The following PCDH9 variants were observed in gnomAD, a reference collection of about 807,000 sequenced individuals.
The protein encoded by PCDH9 is protocadherin 9, also known as protocadherin-9.
PCDH9 carries 24 observed loss-of-function variants against 70.6 expected under a neutral mutation model. The ratio of observed to expected loss-of-function variants is 0.34; its 90% CI spans 0.25 to 0.48. PCDH9 has a LOEUF of 0.48. Among genes scored for constraint, PCDH9 ranks in the 20% least tolerant of loss-of-function variants. The pLI, the probability that PCDH9 is intolerant of heterozygous loss-of-function variation, is 0.99. For synonymous variants in PCDH9, 562 were observed against 558.5 expected, an observed-to-expected ratio of 1.01 and a Z score of -0.09; for missense variants, 1,281 against 1,503.6, an observed-to-expected ratio of 0.85 and a Z score of 2.45.
chr13:66,539,439 T>C (rs1960850083), intron 4 of PCDH9, among the ~76,000 whole-genome samples: 1 of 152,112 alleles, frequency 6.6e-6, no homozygotes, highest in Admixed American at 6.6e-5. Context: ...TGAGATCTGA[T>C]GGTTTTATAG....
intron 3 of PCDH9, among the ~76,000 whole-genome samples, chr13:66,680,631 A>G (rs1202747545): frequency 6.6e-6 from 1 of 151,968 alleles, no homozygotes; most frequent in Non-Finnish European, 1.5e-5. Context: ...TGTGCTGTCA[A>G]TTATAATTTC....
chr13:66,959,948 C>T (rs2083320163), intron 2 of PCDH9, among the ~76,000 whole-genome samples: 1 of 152,054 alleles, frequency 6.6e-6, no homozygotes, highest in South Asian at 2.1e-4. Flanking sequence ...TTCCTAAGAA[C>T]ATTGTCATTT....
rs1044267089 is a variant in PCDH9 at position 66,778,378 on chromosome 13, C to T, written c.3138+125126G>A. On this transcript the variant is annotated intron_variant, in intron 3 of 4. Transcript: ENST00000377865. ...CTACAGTAACACTTACAAAAATAGCCCCTGGGTTTGCACTGTAGTTTTAGC... is the reference window on the plus strand; with the variant it reads ...CTACAGTAACACTTACAAAAATAGCTCCTGGGTTTGCACTGTAGTTTTAGC... 4.6e-5 allele frequency among the ~76,000 whole-genome samples: 7 copies of T among 152,042 alleles called. No homozygotes were observed. The South Asian group carries it at 6.2e-4, about 14-fold the overall frequency.
At chr13:66,356,669 A>G (rs548330004) in intron 4 of PCDH9, among the ~76,000 whole-genome samples, 4 of 152,254 alleles carry the variant, frequency 2.6e-5, no homozygotes, top group African/African-American at 9.6e-5. Context: ...GGACCATCAC[A>G]ACAACTGCAT....
At chr13:66,441,037 C>G (rs1165070491) in intron 4 of PCDH9, among the ~76,000 whole-genome samples, 1 of 152,154 alleles carries the variant, frequency 6.6e-6, no homozygotes, top group Non-Finnish European at 1.5e-5. Flanking sequence ...ATTTTAATGT[C>G]TTTTATTTTA....
At chr13:66,631,110 C>T in intron 4 of PCDH9, 100 bp downstream of exon 4, 3 of 669,834 alleles carry the variant, frequency 4.5e-6, no homozygotes, top group Non-Finnish European at 8.1e-6. Flanking sequence ...AAAAAAATAA[C>T]TAAATGTTCA....
At chr13:66,346,863 A>C (rs370535002) in intron 4 of PCDH9, among the ~76,000 whole-genome samples, 1 of 151,944 alleles carries the variant, frequency 6.6e-6, no homozygotes, top group Non-Finnish European at 1.5e-5. Context: ...AATTACAAAC[A>C]CTCTAAGTAT....
At chr13:66,457,473 T>C (rs1166607564) in intron 4 of PCDH9, among the ~76,000 whole-genome samples, 2 of 152,030 alleles carry the variant, frequency 1.3e-5, no homozygotes, top group African/African-American at 2.4e-5. Context: ...AACCTACAAA[T>C]AGAAAGGTTG....
intron 3 of PCDH9, among the ~76,000 whole-genome samples, chr13:66,891,827 GT>G (rs935151274): frequency 6.9e-6 from 1 of 144,810 alleles, no homozygotes; most frequent in African/African-American, 2.6e-5. Flanking sequence ...TTTTTTTTTT[GT>G]TTTGTTTTAT....
At chr13:66,404,442 A>G (rs1957245092) in intron 4 of PCDH9, among the ~76,000 whole-genome samples, 2 of 152,178 alleles carry the variant, frequency 1.3e-5, no homozygotes, top group Non-Finnish European at 2.9e-5. Flanking sequence ...TGGAAATGTA[A>G]TCATACAATT....
intron 3 of PCDH9, among the ~76,000 whole-genome samples, chr13:66,744,206 G>T (rs1291885883): frequency 6.6e-6 from 1 of 152,104 alleles, no homozygotes; most frequent in Non-Finnish European, 1.5e-5. Context: ...CCTGGGACAT[G>T]TATTTATTAT....
chr13:66,883,357 C>G (rs1224165805), intron 3 of PCDH9, among the ~76,000 whole-genome samples: 1 of 151,766 alleles, frequency 6.6e-6, no homozygotes, highest in African/African-American at 2.4e-5. Flanking sequence ...GATATATAAT[C>G]AGCACTAATG....
intron 4 of PCDH9, among the ~76,000 whole-genome samples, chr13:66,532,195 G>A (rs1960492285): frequency 6.6e-6 from 1 of 151,584 alleles, no homozygotes; most frequent in Admixed American, 6.6e-5. Flanking sequence ...GTAGAGACAG[G>A]GTCTCACTAT....
intron 3 of PCDH9, among the ~76,000 whole-genome samples, chr13:66,862,358 G>T (rs961735057): frequency 2.0e-5 from 3 of 152,110 alleles, no homozygotes; most frequent in Non-Finnish European, 4.4e-5. Context: ...GTGGGTGTAG[G>T]GTTGTAAAGC....
chr13:66,898,815 T>C (rs1566276591), intron 3 of PCDH9, among the ~76,000 whole-genome samples: 1 of 152,048 alleles, frequency 6.6e-6, no homozygotes, highest in Non-Finnish European at 1.5e-5. Flanking sequence ...CTCCATTTGG[T>C]ATTATTTAAA....
chr13:66,850,070 A>G (rs189366057), intron 3 of PCDH9, among the ~76,000 whole-genome samples: 1 of 152,254 alleles, frequency 6.6e-6, no homozygotes, highest in East Asian at 1.9e-4. Context: ...AATTATTGTT[A>G]TAATAATACA....
chr13:66,452,960 A>T (rs1958243325), intron 4 of PCDH9, among the ~76,000 whole-genome samples: 1 of 151,960 alleles, frequency 6.6e-6, no homozygotes, highest in African/African-American at 2.4e-5. Context: ...CCATCCACTC[A>T]TCCATCCATT....
intron 4 of PCDH9, among the ~76,000 whole-genome samples, chr13:66,607,841 C>T (rs1258639525): frequency 6.6e-6 from 1 of 151,990 alleles, no homozygotes; most frequent in Non-Finnish European, 1.5e-5. Flanking sequence ...GTGACTGTTT[C>T]ATAATTTATC....
chr13:67,037,978 G>A (rs192429054), intron 2 of PCDH9, among the ~76,000 whole-genome samples: 3 of 152,128 alleles, frequency 2.0e-5, no homozygotes, highest in Non-Finnish European at 2.9e-5. Context: ...GAATACTGAC[G>A]TATAAAACAT....
Sources: allele counts gnomAD v4.1 joint callset (sites outside exome capture counted in the v4.1 genomes callset), GRCh38; gene constraint gnomAD v4.1.1; transcripts MANE v1.5; gene names NCBI Gene and HGNC (gene_info 2026-07-23, HGNC 2026-07-21).